MBOAT2: variants seen among roughly 807,000 people sequenced by gnomAD.
MBOAT2 encodes the protein membrane bound glycerophospholipid O-acyltransferase 2.
Under a neutral mutation model 63.4 loss-of-function variants are expected in MBOAT2, and 28 were observed. The observed-to-expected ratio is 0.44, with a 90% CI of 0.33 to 0.61. The LOEUF (loss-of-function observed/expected upper bound fraction) is 0.61. Among genes scored for constraint, MBOAT2 ranks in the 20% least tolerant of loss-of-function variants. The pLI is 0.03. For synonymous variants in MBOAT2, 211 were observed against 215.6 expected (o/e 0.98, Z 0.19); for missense variants, 470 against 605.8 (o/e 0.78, Z 2.35).
At chr2:8,880,239 G>A (rs1663010884) in intron 6 of MBOAT2, among the ~76,000 whole-genome samples, 1 of 152,038 alleles carries the variant, frequency 6.6e-6, no homozygotes, top group Non-Finnish European at 1.5e-5. Context: ...GTACTGGGAT[G>A]TGACGGGTGG....
chr2:8,914,923 A>C (rs1666038704), intron 3 of MBOAT2, among the ~76,000 whole-genome samples: 1 of 138,372 alleles, frequency 7.2e-6, no homozygotes, highest in Non-Finnish European at 1.6e-5. Flanking sequence ...AACTGTGACT[A>C]CTGGAAATTT....
chr2:8,860,246 A>C (rs1256266037), intron 12 of MBOAT2, among the ~76,000 whole-genome samples: 1 of 152,224 alleles, frequency 6.6e-6, no homozygotes, highest in African/African-American at 2.4e-5. Flanking sequence ...TTCCCCAAAG[A>C]AGTTCAGGAC....
intron 9 of MBOAT2, 118 bp downstream of exon 9, chr2:8,868,328 A>AT: frequency 5.1e-6 from 4 of 783,472 alleles, no homozygotes; most frequent in South Asian, 3.6e-5. Flanking sequence ...AAATGAAAGA[A>AT]TGAGTGTTAA....
At position 8,862,404 on chromosome 2, in the gene MBOAT2, G is replaced by C; in HGVS notation, c.1185+186C>G. 4 of 1,364,958 alleles carry C rather than the reference G, an allele frequency of 2.9e-6. No homozygotes were observed. Among genetic ancestry groups the C allele is most frequent in the Non-Finnish European group, 4.0e-6 (4 of 1,009,666 alleles). The allele number at this position is 1,364,958 out of a possible 1,614,324, so 84.6% of individuals were successfully genotyped here. ...CGTGTTTTCTCCTCACAGGAACTGG[G>C]CATGGAGCCTAGCCCGTGGTGAGCG... On this transcript the variant is annotated intron_variant, in intron 11 of 12. Transcript: ENST00000305997. This position sits in a 1 kb window ranked among gnomAD's most constrained non-coding sequence, Gnocchi z 4.3.
intron 3 of MBOAT2, among the ~76,000 whole-genome samples, chr2:8,928,979 A>G (rs1417351214): frequency 1.3e-5 from 2 of 152,216 alleles, no homozygotes; most frequent in Non-Finnish European, 2.9e-5. Context: ...AATGACAGCA[A>G]TTTAGAGAGA....
intron 4 of MBOAT2, among the ~76,000 whole-genome samples, chr2:8,889,232 G>A (rs115684035): frequency 7.2e-5 from 11 of 152,184 alleles, no homozygotes; most frequent in Non-Finnish European, 8.8e-5. Context: ...GCAGAAGCTC[G>A]AACTGCTGCC....
At chr2:8,879,624 T>G (rs1317364345) in intron 6 of MBOAT2, among the ~76,000 whole-genome samples, 2 of 152,182 alleles carry the variant, frequency 1.3e-5, no homozygotes, top group Non-Finnish European at 2.9e-5. Context: ...GGGTCCCCTG[T>G]GCAGTGCAGG....
intron 5 of MBOAT2, among the ~76,000 whole-genome samples, chr2:8,886,896 T>G (rs1336874452): frequency 6.6e-6 from 1 of 152,216 alleles, no homozygotes; most frequent in African/African-American, 2.4e-5. Context: ...TGTTTCCTAG[T>G]GTAAGTTTTA....
At chr2:8,986,551 C>G (rs777278255) in intron 1 of MBOAT2, among the ~76,000 whole-genome samples, 1 of 150,516 alleles carries the variant, frequency 6.6e-6, no homozygotes. Context: ...GGAGACAGGG[C>G]GAGATTCTGT....
At chr2:8,906,871 G>A (rs1161002541) in intron 4 of MBOAT2, among the ~76,000 whole-genome samples, 1 of 152,142 alleles carries the variant, frequency 6.6e-6, no homozygotes, top group Non-Finnish European at 1.5e-5. Context: ...ATTTTTTAAT[G>A]AAATATACGG....
chr2:8,934,746 C>T (rs777685430), intron 3 of MBOAT2, among the ~76,000 whole-genome samples: 2 of 152,146 alleles, frequency 1.3e-5, no homozygotes, highest in African/African-American at 4.8e-5. Context: ...CTTGCTGCCA[C>T]ATTTTATTCT....
intron 2 of MBOAT2, among the ~76,000 whole-genome samples, chr2:8,951,680 T>C (rs947624230): frequency 6.6e-6 from 1 of 152,194 alleles, no homozygotes; most frequent in Admixed American, 6.5e-5. Context: ...TTTCCAGGAA[T>C]TTATCCATTT....
chr2:8,886,491 C>T (rs1663561803), intron 5 of MBOAT2, among the ~76,000 whole-genome samples: 2 of 152,080 alleles, frequency 1.3e-5, no homozygotes, highest in African/African-American at 4.8e-5. Context: ...TCAATCTATC[C>T]CTTGGGAATA....
intron 5 of MBOAT2, among the ~76,000 whole-genome samples, chr2:8,887,186 G>C (rs1270615202): frequency 6.6e-6 from 1 of 152,108 alleles, no homozygotes; most frequent in Non-Finnish European, 1.5e-5. Flanking sequence ...TTTTCTGAAG[G>C]GCAGAAAGAT....
At chr2:8,913,438 A>T (rs1665932925) in intron 3 of MBOAT2, among the ~76,000 whole-genome samples, 1 of 152,192 alleles carries the variant, frequency 6.6e-6, no homozygotes, top group South Asian at 2.1e-4. Context: ...TACATCTAAC[A>T]AAGAAATAAT....
At chr2:8,933,715 C>G (rs1281974944) in intron 3 of MBOAT2, among the ~76,000 whole-genome samples, 1 of 152,176 alleles carries the variant, frequency 6.6e-6, no homozygotes, top group Non-Finnish European at 1.5e-5. Context: ...CCTGAACTGG[C>G]AGAGCCCCAT....
At position 8,877,086 on chromosome 2, in the gene MBOAT2, A is replaced by T; in HGVS notation, c.634T>A (p.Ser212Thr). The T allele has an allele frequency of 6.2e-7, 1 of 1,613,644 alleles. No homozygotes were observed. Among genetic ancestry groups the T allele is most frequent in the Non-Finnish European group, 8.5e-7 (1 of 1,179,904 alleles). Residue 212 changes from serine (S) to threonine (T), a missense_variant, in exon 7 of 13, where the codon TCT becomes ACT. Physicochemically the swap from Ser to Thr is moderately conservative, Grantham distance 58. Around this residue, in one of 3 missense-constraint regions of MBOAT2, gnomAD observed 376 missense variants for 503.8 expected, o/e 0.75. Transcript: ENST00000305997. ...GTCTCTTCTTTTCCATTTTCACCAG[A>T]TTGTGTGATATGGTATGATCTGCCT... ...IEGRSYHITQ[S>T]GENGKEETQY...
intron 1 of MBOAT2, among the ~76,000 whole-genome samples, chr2:8,987,082 T>C (rs1573254719): frequency 6.6e-6 from 1 of 152,206 alleles, no homozygotes; most frequent in Non-Finnish European, 1.5e-5. Context: ...ATAATAATTA[T>C]CAATACTGCT....
At chr2:8,958,282 A>C (rs1669367527) in intron 2 of MBOAT2, among the ~76,000 whole-genome samples, 1 of 152,218 alleles carries the variant, frequency 6.6e-6, no homozygotes, top group African/African-American at 2.4e-5. Flanking sequence ...ACAAATTATA[A>C]ATAGTAAATT....
Sources: gnomAD v4.1 joint callset for allele counts (sites outside exome capture counted in the v4.1 genomes callset) on GRCh38, gnomAD v4.1.1 for gene constraint, gnomAD v4.1.1 regional missense constraint, Gnocchi (gnomAD v3.1) non-coding constraint, MANE v1.5 for transcripts, NCBI Gene and HGNC (gene_info 2026-07-23, HGNC 2026-07-21) for gene names.